Variants in ZNF594 observed in about 807,000 individuals in gnomAD.
ZNF594 encodes zinc finger protein HZF18.
For synonymous variants in ZNF594, 336 were observed against 309.4 expected, an observed-to-expected ratio of 1.09 and a Z score of -0.90; for missense variants, 1,037 against 964.6, an observed-to-expected ratio of 1.08 and a Z score of -0.99.
At chr17:5,187,145 GAA>G (rs2074391100) in intron 1 of ZNF594, among the ~76,000 whole-genome samples, 1 of 152,184 alleles carries the variant, frequency 6.6e-6, no homozygotes, top group Admixed American at 6.5e-5. Context: ...AGACTGGGAA[GAA>G]AAAGAGGTTT....
Position 5,181,709 on chromosome 17 carries a change from A to G in ZNF594, c.*124T>C. The G allele has an allele frequency of 1.3e-6, 2 of 1,580,730 alleles. No individual in the cohort carries two copies. On this transcript the variant is annotated 3_prime_UTR_variant, in exon 2 of 2. Transcript: ENST00000575779. ...GGGACCTCTGGCTAAAGACTTTCCC[A>G]CATTCACTACATTCATGAGGTTTCT...
Position 5,183,706 on chromosome 17 carries a change from A to T in ZNF594, c.551T>A (p.Ile184Lys), listed in dbSNP as rs2074366069. ...GAAGTCTTTTCCACATTCATGACAT[A>T]TATAAGGTTTCTTTCCTGTATGAAT... ...QRIHTGKKPY[I>K]CHECGKDFNQ... The change falls in exon 2 of 2, where the codon ATA (isoleucine) becomes AAA (lysine). Residue 184 changes from isoleucine to lysine, a missense_variant. Physicochemically the swap from Ile to Lys is moderately radical, Grantham distance 102. Coordinates refer to ENST00000575779, the MANE Select transcript of ZNF594 (RefSeq NM_032530.2). 6.2e-7 allele frequency: 1 copy of T among 1,613,934 alleles called. No homozygotes were observed. The highest frequency in any genetic ancestry group is 8.5e-7 in the Non-Finnish European group (1 of 1,180,034).
chr17:5,183,950 C>A lies in ZNF594; in HGVS notation c.307G>T (p.Val103Phe). The change falls in exon 2 of 2, where the codon GTT becomes TTT. Residue 103 changes from valine (V) to phenylalanine (F), a missense_variant. Physicochemically the swap from Val to Phe is conservative, Grantham distance 50 (BLOSUM62 -1). Transcript: ENST00000575779. The stretch of plus-strand genomic sequence containing the variant: ...TTCTGTTTGAAGTTTTGGCCACTAA[C>A]CTCATATCTATGGGAGCTTTCTCCT... ...SAGESSHRYE[V>F]SGQNFKQKSG... is the part of the protein sequence containing the mutation. 6.2e-7 allele frequency: 1 copy of A among 1,613,996 alleles called. No individual in the cohort carries two copies. The highest frequency in any genetic ancestry group is 1.1e-5 in the South Asian group (1 of 91,078).
intron 1 of ZNF594, among the ~76,000 whole-genome samples, chr17:5,187,727 G>A (rs1382643138): frequency 2.0e-5 from 3 of 152,110 alleles, no homozygotes; most frequent in Non-Finnish European, 4.4e-5. Flanking sequence ...GAGTTGTTAT[G>A]AGAATCAAAT....
rs201287396 is a variant in ZNF594 at position 5,183,161 on chromosome 17, C to A, written c.1096G>T (p.Glu366Ter). ...TFSKDEELRE[E>*]QRIHQEEKAY... ...TTCTCTTCCTGGTGAATTCTCTGCT[C>A]TTCCCTAAGCTCCTCATCCTTGCTG... The change falls in exon 2 of 2, where the codon GAG becomes TAG. Residue 366 changes from glutamate (E) to a stop codon, truncating the protein, a stop_gained. Transcript: ENST00000575779. LOFTEE classifies it low-confidence loss of function (END_TRUNC). The A allele has an allele frequency of 3.2e-5, 51 of 1,614,080 alleles. No homozygotes were observed. The highest frequency in any genetic ancestry group is 4.2e-5 in the Non-Finnish European group (50 of 1,180,044).
At position 5,183,603 on chromosome 17, in the gene ZNF594, C is replaced by T. The variant is rs762372182; in HGVS notation, c.654G>A (p.Lys218=). Residue 218 remains lysine, a synonymous_variant, in exon 2 of 2, where the codon AAG becomes AAA. Coordinates refer to ENST00000575779, the MANE Select transcript of ZNF594 (RefSeq NM_032530.2). The part of the protein sequence containing the change: ...GNPYECKECG[K]AFKGSSNLVL... ...CAAGGTTTGAGCTTCCCTTAAAAGC[C>T]TTCCCACACTCTTTGCACTCATAGG... is the stretch of plus-strand genomic sequence containing the variant. The T allele has an allele frequency of 1.9e-6, 3 of 1,614,170 alleles. No homozygotes were observed. Among genetic ancestry groups the T allele is most frequent in the Non-Finnish European group, 2.5e-6 (3 of 1,180,030 alleles).
intron 1 of ZNF594, among the ~76,000 whole-genome samples, chr17:5,188,566 G>C (rs2074401538): frequency 6.6e-6 from 1 of 152,022 alleles, no homozygotes; most frequent in Non-Finnish European, 1.5e-5. Flanking sequence ...ATAAAGGAAA[G>C]AAAGGAACAT....
intron 1 of ZNF594, among the ~76,000 whole-genome samples, chr17:5,185,930 C>T (rs895321629): frequency 3.9e-5 from 6 of 152,158 alleles, no homozygotes; most frequent in African/African-American, 1.2e-4. Context: ...GCAACTCCAC[C>T]CCTGTGGCTT....
Position 5,183,852 on chromosome 17 carries a change from G to C in ZNF594, c.405C>G (p.Thr135=). 6.2e-7 allele frequency: 1 copy of C among 1,613,624 alleles called. No homozygotes were observed. Among genetic ancestry groups the C allele is most frequent in the Non-Finnish European group, 8.5e-7 (1 of 1,179,924 alleles). The part of the protein sequence containing the change: ...KTYECKECEK[T]FNRSSNLIIH... ...TGATCAGGTTTGAACTCCTGTTGAA[G>C]GTTTTTTCACATTCCTTACATTCAT... Residue 135 remains threonine, a synonymous_variant, in exon 2 of 2, where the codon ACC becomes ACG. Coordinates refer to ENST00000575779, the MANE Select transcript of ZNF594 (RefSeq NM_032530.2).
downstream of ZNF594, among the ~76,000 whole-genome samples, chr17:5,178,443 A>C (rs1223892631): frequency 6.6e-6 from 1 of 152,242 alleles, no homozygotes; most frequent in Non-Finnish European, 1.5e-5. Flanking sequence ...TGTTTGTCTA[A>C]AATGAAATTA....
Position 5,181,759 on chromosome 17 carries a change from T to TTA in ZNF594, c.*73_*74insTA. The TTA allele has an allele frequency of 6.2e-7, 1 of 1,603,514 alleles. No homozygotes were observed. ...TCTCCAGTATGAACACGATGGTGTT[T>TTA]AATAAGATCTGAGCTGCTCCTAAAA... On this transcript the variant is annotated 3_prime_UTR_variant, in exon 2 of 2. Transcript: ENST00000575779.
At chr17:5,188,219 A>C (rs1398965967) in intron 1 of ZNF594, among the ~76,000 whole-genome samples, 1 of 150,842 alleles carries the variant, frequency 6.6e-6, no homozygotes, top group African/African-American at 2.4e-5. Context: ...GAGAGTTCAA[A>C]ATTCAGGAGC....
At position 5,182,123 on chromosome 17, in the gene ZNF594, C is replaced by T; in HGVS notation, c.2134G>A (p.Glu712Lys). ...TGCCACATGAAGAGTTTCCCACATTCCTTACATTCATAGGGTTTCTCACCA... is the reference window on the plus strand; with the variant it reads ...TGCCACATGAAGAGTTTCCCACATTTCTTACATTCATAGGGTTTCTCACCA... ...HSGEKPYECK[E>K]CGKLFMWHTA... Residue 712 changes from glutamate to lysine, a missense_variant, in exon 2 of 2, where the codon GAA becomes AAA. Glu to Lys is a moderately conservative substitution (Grantham distance 56). Coordinates refer to ENST00000575779, the MANE Select transcript of ZNF594 (RefSeq NM_032530.2). The T allele has an allele frequency of 1.9e-6, 3 of 1,613,640 alleles. No homozygotes were observed. Among genetic ancestry groups the T allele is most frequent in the Non-Finnish European group, 2.5e-6 (3 of 1,179,996 alleles).
chr17:5,184,180 CT>C lies in ZNF594; in HGVS notation c.76del (p.Arg26AspfsTer9). ...TAACTCACATTCCTGGGTGATTTGT[CT>C]TTGGAGTTTTTCGGATGCAGCCCTT... ...SARAASEKLQ[R>X]QITQECELVE... On this transcript the variant is annotated frameshift_variant, in exon 2 of 2. Coordinates refer to ENST00000575779, the MANE Select transcript of ZNF594 (RefSeq NM_032530.2). LOFTEE classifies it low-confidence loss of function (END_TRUNC). 1 of 1,614,154 alleles carries C rather than the reference CT, an allele frequency of 6.2e-7. No homozygotes were observed. Among genetic ancestry groups the C allele is most frequent in the Non-Finnish European group, 8.5e-7 (1 of 1,180,028 alleles).
downstream of ZNF594, among the ~76,000 whole-genome samples, chr17:5,176,232 C>T (rs1182518896): frequency 1.3e-5 from 2 of 151,900 alleles, no homozygotes; most frequent in Non-Finnish European, 2.9e-5. Context: ...CCCGTCTCTA[C>T]TAAAAATACA....
At chr17:5,190,676 A>G (rs1159565465) in intron 1 of ZNF594, among the ~76,000 whole-genome samples, 2 of 152,172 alleles carry the variant, frequency 1.3e-5, no homozygotes, top group Admixed American at 1.3e-4. Context: ...AGGCTTCCCA[A>G]AAGAAATGAC....
At chr17:5,179,514 A>C (rs1483736577), downstream of ZNF594, 1 of 153,724 alleles carries the variant, frequency 6.5e-6, no homozygotes, top group Non-Finnish European at 1.5e-5. Context: ...GGCCCCTGGC[A>C]CATACTAAAC....
rs750795877 is a variant in ZNF594 at position 5,182,623 on chromosome 17, C to T, written c.1634G>A (p.Cys545Tyr). Reference sequence around the variant, plus strand: ...CTCATCCTGGCTGAAGGTTTTCTCACATTCAAGTTTCTCTCCAGTATGCAG... The same window carrying T: ...CTCATCCTGGCTGAAGGTTTTCTCATATTCAAGTTTCTCTCCAGTATGCAG... ...QSLHTGEKLECEKTFSQDEEL... is the reference protein window; with the variant it reads ...QSLHTGEKLEYEKTFSQDEEL... Residue 545 changes from cysteine (C) to tyrosine (Y), a missense_variant, in exon 2 of 2, where the codon TGT becomes TAT. Physicochemically the swap from Cys to Tyr is radical, Grantham distance 194. Coordinates refer to ENST00000575779, the MANE Select transcript of ZNF594 (RefSeq NM_032530.2). 5.0e-6 allele frequency: 8 copies of T among 1,613,452 alleles called. No individual in the cohort carries two copies. The South Asian group carries it at 7.7e-5, about 16-fold the overall frequency.
intron 1 of ZNF594, among the ~76,000 whole-genome samples, chr17:5,184,735 C>T (rs562962172): frequency 6.6e-6 from 1 of 152,332 alleles, no homozygotes; most frequent in East Asian, 1.9e-4. Context: ...AATAGAACAG[C>T]ACACCGGTAC....
Sources: allele counts gnomAD v4.1 joint callset (sites outside exome capture counted in the v4.1 genomes callset), GRCh38; gene constraint gnomAD v4.1.1; transcripts MANE v1.5; gene names NCBI Gene and HGNC (gene_info 2026-07-23, HGNC 2026-07-21).